Variants in KCNIP3 observed in about 807,000 individuals in gnomAD.
KCNIP3 encodes calsenilin.
In KCNIP3, 28 loss-of-function variants were observed where a neutral mutation model predicts 35.0. The observed-to-expected ratio is 0.80, with a 90% confidence interval of 0.59 to 1.10. KCNIP3 has a LOEUF of 1.10. Ranked by LOEUF, KCNIP3 falls within the 50% of genes least tolerant of loss-of-function variation. The pLI is 0.00. For missense variants in KCNIP3, 295 were observed against 338.4 expected, an observed-to-expected ratio of 0.87 and a Z score of 1.01; for synonymous variants, 134 against 133.8, an observed-to-expected ratio of 1.00 and a Z score of -0.01.
intron 2 of KCNIP3, among the ~76,000 whole-genome samples, chr2:95,371,789 A>G (rs1328148699): frequency 6.8e-6 from 1 of 147,164 alleles, no homozygotes; most frequent in African/African-American, 2.5e-5. Flanking sequence ...ATGTTTTTCC[A>G]TTCTTTTATT....
At chr2:95,339,371 G>C (rs1445400647) in intron 2 of KCNIP3, among the ~76,000 whole-genome samples, 2 of 152,114 alleles carry the variant, frequency 1.3e-5, no homozygotes, top group Non-Finnish European at 2.9e-5. Flanking sequence ...CTTGAGATCA[G>C]GAGATCGAGA....
intron 2 of KCNIP3, among the ~76,000 whole-genome samples, chr2:95,342,193 G>A (rs1383201115): frequency 6.6e-6 from 1 of 152,170 alleles, no homozygotes. Context: ...CCCGGCCATG[G>A]GGGGCAAGGT....
intron 2 of KCNIP3, chr2:95,347,228 G>GC: frequency 1.0e-6 from 1 of 954,800 alleles, no homozygotes; most frequent in South Asian, 1.6e-5. Flanking sequence ...GCGAGGAGCG[G>GC]CCTGGGCCGC....
At chr2:95,338,824 T>G (rs924103218) in intron 2 of KCNIP3, among the ~76,000 whole-genome samples, 12 of 152,204 alleles carry the variant, frequency 7.9e-5, no homozygotes, top group African/African-American at 2.7e-4. Flanking sequence ...AATCAAGACA[T>G]ATTGGTGTAA....
At chr2:95,326,121 G>A (rs530568238) in intron 2 of KCNIP3, among the ~76,000 whole-genome samples, 49 of 147,490 alleles carry the variant, frequency 3.3e-4, no homozygotes, top group African/African-American at 1.1e-3. Flanking sequence ...ACACATACAC[G>A]CACACTTATA....
intron 2 of KCNIP3, among the ~76,000 whole-genome samples, chr2:95,358,182 A>C (rs1679704601): frequency 6.6e-6 from 1 of 152,192 alleles, no homozygotes; most frequent in Admixed American, 6.5e-5. Context: ...GGCAAGCTGC[A>C]GGAGGCCTAT....
chr2:95,334,120 CTT>C (rs1678998978), intron 2 of KCNIP3, among the ~76,000 whole-genome samples: 1 of 152,236 alleles, frequency 6.6e-6, no homozygotes, highest in Non-Finnish European at 1.5e-5. Context: ...CTTGAGAACA[CTT>C]TGCGTCAGCA....
chr2:95,383,120 C>CCCCAACAA, intron 7 of KCNIP3, 112 bp from the exon 8 acceptor site: 1 of 402,234 alleles, frequency 2.5e-6, no homozygotes, highest in Non-Finnish European at 4.7e-6. Flanking sequence ...AGCCCACCCG[C>CCCCAACAA]CCATCCACCC....
intron 1 of KCNIP3, among the ~76,000 whole-genome samples, chr2:95,305,610 C>G (rs1450362885): frequency 6.6e-6 from 1 of 152,200 alleles, no homozygotes; most frequent in African/African-American, 2.4e-5. Context: ...CCCCTCAAGG[C>G]CCCTCCTGCC....
intron 1 of KCNIP3, among the ~76,000 whole-genome samples, chr2:95,308,070 G>A (rs1416856134): frequency 1.3e-5 from 2 of 152,176 alleles, no homozygotes; most frequent in Non-Finnish European, 2.9e-5. Flanking sequence ...GTGCTTGTGT[G>A]TGCATATGAA....
intron 2 of KCNIP3, among the ~76,000 whole-genome samples, chr2:95,322,487 T>C (rs1407178407): frequency 6.6e-6 from 1 of 152,094 alleles, no homozygotes; most frequent in Non-Finnish European, 1.5e-5. Context: ...AGTTGCTGGG[T>C]CTCTATGCAT....
At chr2:95,349,165 C>CT (rs1452249678) in intron 2 of KCNIP3, among the ~76,000 whole-genome samples, 1 of 152,134 alleles carries the variant, frequency 6.6e-6, no homozygotes, top group East Asian at 1.9e-4. Flanking sequence ...GTCAGCCAGC[C>CT]GAGGGCCTGG....
At chr2:95,362,841 A>G (rs1679834027) in intron 2 of KCNIP3, among the ~76,000 whole-genome samples, 1 of 152,238 alleles carries the variant, frequency 6.6e-6, no homozygotes, top group South Asian at 2.1e-4. Flanking sequence ...AGAGTGTTTC[A>G]GAATTACCAT....
chr2:95,323,586 C>T (rs1350432978), intron 2 of KCNIP3, among the ~76,000 whole-genome samples: 2 of 152,138 alleles, frequency 1.3e-5, no homozygotes, highest in African/African-American at 2.4e-5. Flanking sequence ...ACGCGTCCGC[C>T]TCCCTGGACC....
rs528800355 is a variant in KCNIP3 at position 95,326,158 on chromosome 2, C to T, written c.181+15638C>T. Among the ~76,000 whole-genome samples the T allele has an allele frequency of 3.4e-3, 510 of 151,840 alleles. 1 individual carries two copies. The highest frequency in any genetic ancestry group is 4.9e-3 in the Non-Finnish European group (333 of 67,932). On this transcript the variant is annotated intron_variant, in intron 2 of 8. Transcript: ENST00000295225. ...AGTCAGACACACATACACTTATATA[C>T]GCACTCATATACACATATACACAGT...
intron 2 of KCNIP3, among the ~76,000 whole-genome samples, chr2:95,324,613 A>T (rs1286388715): frequency 6.7e-6 from 1 of 149,902 alleles, no homozygotes; most frequent in African/African-American, 2.5e-5. Context: ...TTTGCAAAAT[A>T]AAAAAAATGA....
rs1435674201 is a variant in KCNIP3 at position 95,376,361 on chromosome 2, G to C, written c.447+1153G>C. Among the ~76,000 whole-genome samples the C allele has an allele frequency of 6.6e-6, 1 of 152,334 alleles. No individual in the cohort carries two copies. Among genetic ancestry groups the C allele is most frequent in the South Asian group, 2.1e-4 (1 of 4,834 alleles). ...AGTGGTTTTTCTTGTTCAGGAATGA[G>C]ATGACTGAGAGGCTCGGCAGAGCCC... On this transcript the variant is annotated intron_variant, in intron 5 of 8. Coordinates refer to ENST00000295225, the MANE Select transcript of KCNIP3 (RefSeq NM_013434.5). This position sits in a 1 kb window ranked among gnomAD's most constrained non-coding sequence, Gnocchi z 4.2.
chr2:95,375,082 G>A, intron 4 of KCNIP3, 56 bp from the exon 5 acceptor site: 1 of 1,576,388 alleles, frequency 6.3e-7, no homozygotes. Flanking sequence ...CCTGGGGTGG[G>A]AGATGAGCCG....
In KCNIP3 at chr2:95,382,260, G is replaced by A. The variant is rs1480949869; in HGVS notation, c.556-117G>A. Reference sequence around the variant, plus strand: ...ACAGGCTTCTCTCTCCAGCTCGTCCGGCCCCTCGCACTCACTGCCTTGGAG... The same window carrying A: ...ACAGGCTTCTCTCTCCAGCTCGTCCAGCCCCTCGCACTCACTGCCTTGGAG... On this transcript the variant is annotated intron_variant, in intron 6 of 8. Coordinates refer to ENST00000295225, the MANE Select transcript of KCNIP3 (RefSeq NM_013434.5). The surrounding 1 kb of genome is among the most constrained non-coding windows in gnomAD (Gnocchi z 4.5). 9.3e-6 allele frequency: 5 copies of A among 539,828 alleles called. No individual in the cohort carries two copies. Among genetic ancestry groups the A allele is most frequent in the Admixed American group, 3.7e-5 (1 of 26,764 alleles). The allele number at this position is 539,828 out of a possible 1,614,324, so 33.4% of individuals were successfully genotyped here.
Sources: gnomAD v4.1 joint callset for allele counts (sites outside exome capture counted in the v4.1 genomes callset) on GRCh38, gnomAD v4.1.1 for gene constraint, Gnocchi (gnomAD v3.1) non-coding constraint, MANE v1.5 for transcripts, NCBI Gene and HGNC (gene_info 2026-07-23, HGNC 2026-07-21) for gene names.